The following RASGRF2 variants were observed in gnomAD, a reference collection of about 807,000 sequenced individuals.
The protein encoded by RASGRF2 is ras-specific guanine nucleotide-releasing factor 2.
RASGRF2 carries 76 observed loss-of-function variants against 151.0 expected under a neutral mutation model. The ratio of observed to expected loss-of-function variants is 0.50; its 90% CI spans 0.42 to 0.61. The LOEUF (loss-of-function observed/expected upper bound fraction) is 0.61, where lower values mean the gene tolerates loss of function less well. Among genes scored for constraint, RASGRF2 ranks in the 20% least tolerant of loss-of-function variants. The pLI, the probability that RASGRF2 is intolerant of heterozygous loss-of-function variation, is 0.00. For synonymous variants in RASGRF2, 504 were observed against 566.5 expected, an observed-to-expected ratio of 0.89 and a Z score of 1.57; for missense variants, 1,148 against 1,564.6, an observed-to-expected ratio of 0.73 and a Z score of 4.49.
In RASGRF2 at chr5:81,074,606, A is replaced by G. The variant is rs151125610; in HGVS notation, c.887+1154A>G. Among the ~76,000 whole-genome samples, 26 of 152,302 alleles carry G rather than the reference A, an allele frequency of 1.7e-4. No individual in the cohort carries two copies. In the East Asian group the frequency reaches 5.0e-3, roughly 29 times the overall value. ...CCCTCTTCTTACACAAAGGCAATGT[A>G]CTTTAACATGTACTTCATTGTTTCA... On this transcript the variant is annotated intron_variant, in intron 5 of 26. Transcript: ENST00000265080.
intron 1 of RASGRF2, among the ~76,000 whole-genome samples, chr5:81,023,149 G>A (rs1749890825): frequency 6.6e-6 from 1 of 152,144 alleles, no homozygotes; most frequent in Non-Finnish European, 1.5e-5. Context: ...TAGGAATGCT[G>A]TTTAGTGTAG....
intron 1 of RASGRF2, among the ~76,000 whole-genome samples, chr5:81,009,320 C>G (rs1347579876): frequency 2.0e-5 from 3 of 152,162 alleles, no homozygotes; most frequent in African/African-American, 7.2e-5. Context: ...AGTGAACTTC[C>G]CTTATACCCT....
At chr5:80,965,659 C>T (rs1277533276) in intron 1 of RASGRF2, among the ~76,000 whole-genome samples, 2 of 152,056 alleles carry the variant, frequency 1.3e-5, no homozygotes, top group East Asian at 3.8e-4. Context: ...GTAGAAAATA[C>T]TTGTAGTGTT....
intron 2 of RASGRF2, among the ~76,000 whole-genome samples, chr5:81,063,386 A>G (rs991729541): frequency 1.3e-5 from 2 of 152,050 alleles, no homozygotes; most frequent in African/African-American, 4.8e-5. Flanking sequence ...AGCTGTGACT[A>G]TAGATGCCCG....
intron 15 of RASGRF2, 61 bp downstream of exon 15, chr5:81,113,981 C>A (rs1209930761): frequency 2.0e-6 from 3 of 1,529,662 alleles, no homozygotes; most frequent in Admixed American, 1.9e-5. Context: ...GCCTCCTCAC[C>A]CTTCCTTTTG....
At position 81,148,439 on chromosome 5, in the gene RASGRF2, C is replaced by T. The variant is rs370913177; in HGVS notation, c.2686+21276C>T. 7.9e-5 allele frequency among the ~76,000 whole-genome samples: 12 copies of T among 152,098 alleles called. No individual in the cohort carries two copies. The East Asian group carries it at 1.3e-3, about 17-fold the overall frequency. On this transcript the variant is annotated intron_variant, in intron 17 of 26. Transcript: ENST00000265080. ...TATCCCTTTGTGCAGTTCATAGTTT[C>T]GGTTTAATTTTCCAACAGGGCTCAG...
intron 24 of RASGRF2, among the ~76,000 whole-genome samples, chr5:81,216,223 T>C (rs1414596118): frequency 1.3e-5 from 2 of 152,206 alleles, no homozygotes; most frequent in African/African-American, 4.8e-5. Flanking sequence ...TCTTTTACTG[T>C]AAAAATGTTC....
chr5:81,123,811 AT>A, intron 16 of RASGRF2, 44 bp downstream of exon 16: 1 of 1,575,690 alleles, frequency 6.3e-7, no homozygotes, highest in Non-Finnish European at 8.6e-7. Context: ...GTGAAAAATG[AT>A]TTCTAGCTTC....
chr5:81,188,107 G>A (rs570756359), intron 18 of RASGRF2, among the ~76,000 whole-genome samples: 6 of 152,212 alleles, frequency 3.9e-5, no homozygotes, highest in South Asian at 2.1e-4. Context: ...CTCTCCTGAC[G>A]GCTCCTGGCC....
chr5:81,223,380 GC>G (rs34759014), intron 26 of RASGRF2: 54,347 of 151,950 alleles, frequency 0.36, 10,133 homozygotes, highest in Middle Eastern at 0.47. Context: ...GGTGGCTCAC[GC>G]CTGTAATCCC....
chr5:81,229,903 C>T lies in RASGRF2; in HGVS notation c.*4133C>T, dbSNP rs997497762. 2 of 152,214 alleles carry T rather than the reference C, an allele frequency of 1.3e-5. No homozygotes were observed. The highest frequency in any genetic ancestry group is 2.9e-5 in the Non-Finnish European group (2 of 68,050). 9.4% of individuals were successfully genotyped at this position (152,214 alleles called of 1,614,324 possible). The stretch of plus-strand genomic sequence containing the variant: ...TAGACTGTAAACTGCAAAGTGCTGT[C>T]CGCACATGAGGTCATCTGATTACTG... On this transcript the variant is annotated 3_prime_UTR_variant, in exon 27 of 27. Coordinates refer to ENST00000265080, the MANE Select transcript of RASGRF2 (RefSeq NM_006909.3).
intron 26 of RASGRF2, among the ~76,000 whole-genome samples, chr5:81,221,015 C>T (rs150811098): frequency 8.1e-4 from 123 of 152,266 alleles, no homozygotes; most frequent in Non-Finnish European, 7.6e-4. Flanking sequence ...CAGATGTTTA[C>T]TCAGGGTTAG....
At chr5:81,182,991 G>A (rs551252603) in intron 18 of RASGRF2, among the ~76,000 whole-genome samples, 28 of 152,320 alleles carry the variant, frequency 1.8e-4, no homozygotes, top group African/African-American at 5.8e-4. Flanking sequence ...GCTTGGATAC[G>A]ATGATTTTTA....
At chr5:81,169,115 G>A (rs1580375884) in intron 17 of RASGRF2, among the ~76,000 whole-genome samples, 1 of 152,292 alleles carries the variant, frequency 6.6e-6, no homozygotes, top group South Asian at 2.1e-4. Flanking sequence ...ATCATTAGAT[G>A]TCTAGAGGCA....
At chr5:81,045,669 T>TGAAGTCAA (rs144726368) in intron 2 of RASGRF2, among the ~76,000 whole-genome samples, 1 of 151,740 alleles carries the variant, frequency 6.6e-6, no homozygotes, top group African/African-American at 2.4e-5. Flanking sequence ...ACTTGAGACC[T>TGAAGTCAA]AGGACTGGGT....
Position 81,227,286 on chromosome 5 carries a change from A to G in RASGRF2, c.*1516A>G, listed in dbSNP as rs999758751. On this transcript the variant is annotated 3_prime_UTR_variant, in exon 27 of 27. Coordinates refer to ENST00000265080, the MANE Select transcript of RASGRF2 (RefSeq NM_006909.3). ...AAAGAGCTAGCATTGGTAATGCACC[A>G]TAGAGGTAGAGAATGTACACTTTCT... 1 of 152,246 alleles carries G rather than the reference A, an allele frequency of 6.6e-6. No individual in the cohort carries two copies. Among genetic ancestry groups the G allele is most frequent in the South Asian group, 2.1e-4 (1 of 4,830 alleles). 9.4% of individuals were successfully genotyped at this position (152,246 alleles called of 1,614,324 possible).
intron 1 of RASGRF2, among the ~76,000 whole-genome samples, chr5:80,996,311 C>G (rs545597721): frequency 6.6e-6 from 1 of 151,984 alleles, no homozygotes; most frequent in African/African-American, 2.4e-5. Context: ...TTGCTATTCT[C>G]TCTCTCTCTC....
chr5:80,983,587 A>G (rs1277591255), intron 1 of RASGRF2, among the ~76,000 whole-genome samples: 1 of 152,246 alleles, frequency 6.6e-6, no homozygotes, highest in East Asian at 1.9e-4. Context: ...TGCAGGGCCT[A>G]AAATATTTAC....
At chr5:81,148,486 A>C (rs1222965123) in intron 17 of RASGRF2, among the ~76,000 whole-genome samples, 1 of 152,116 alleles carries the variant, frequency 6.6e-6, no homozygotes, top group Admixed American at 6.5e-5. Context: ...ATACTGATTG[A>C]TATACATAGA....
Sources: allele counts gnomAD v4.1 joint callset (sites outside exome capture counted in the v4.1 genomes callset), GRCh38; gene constraint gnomAD v4.1.1; transcripts MANE v1.5; gene names NCBI Gene and HGNC (gene_info 2026-07-23, HGNC 2026-07-21).